The following MGAT5 variants were observed in gnomAD, a reference collection of about 807,000 sequenced individuals.
MGAT5 encodes the protein alpha-1,6-mannosylglycoprotein 6-beta-N-acetylglucosaminyltransferase A.
In MGAT5, 30 loss-of-function variants were observed where a neutral mutation model predicts 94.3. The ratio of observed to expected loss-of-function variants is 0.32; its 90% CI spans 0.24 to 0.43. The LOEUF (loss-of-function observed/expected upper bound fraction) is 0.43. Ranked by LOEUF, MGAT5 falls within the 20% of genes least tolerant of loss-of-function variation. MGAT5 has a pLI of 1.00. For synonymous variants in MGAT5, 310 were observed against 322.9 expected, an observed-to-expected ratio of 0.96 and a Z score of 0.43; for missense variants, 691 against 905.5, an observed-to-expected ratio of 0.76 and a Z score of 3.04.
chr2:134,293,908 G>A (rs140236144), intron 2 of MGAT5, among the ~76,000 whole-genome samples: 33 of 152,304 alleles, frequency 2.2e-4, no homozygotes, highest in African/African-American at 7.9e-4. Context: ...ATACAGAAGT[G>A]TGTGGAGGAT....
At chr2:134,194,876 G>C (rs775721475) in intron 1 of MGAT5, among the ~76,000 whole-genome samples, 4 of 152,124 alleles carry the variant, frequency 2.6e-5, no homozygotes, top group Non-Finnish European at 4.4e-5. Flanking sequence ...TGGTTCAGGT[G>C]GTTCATGTTG....
At chr2:134,405,156 G>GGAGAT (rs1683260673) in intron 11 of MGAT5, among the ~76,000 whole-genome samples, 1 of 152,222 alleles carries the variant, frequency 6.6e-6, no homozygotes, top group Non-Finnish European at 1.5e-5. Context: ...AGGCCAAAAC[G>GGAGAT]GAGATCGCTG....
chr2:134,385,241 C>T (rs540338306), intron 10 of MGAT5, among the ~76,000 whole-genome samples: 6 of 152,288 alleles, frequency 3.9e-5, no homozygotes, highest in African/African-American at 1.4e-4. Flanking sequence ...TAGAGAAACA[C>T]ACATTTTAGC....
chr2:134,248,924 C>T (rs1211353549), intron 1 of MGAT5, among the ~76,000 whole-genome samples: 2 of 152,078 alleles, frequency 1.3e-5, no homozygotes, highest in South Asian at 2.1e-4. Flanking sequence ...GGCTGCTGCT[C>T]AGTGTTCTCA....
intron 2 of MGAT5, among the ~76,000 whole-genome samples, chr2:134,286,672 G>A (rs938203347): frequency 1.1e-4 from 17 of 151,998 alleles, no homozygotes; most frequent in African/African-American, 3.1e-4. Context: ...TGCCTGCCTC[G>A]CCCTCCCAAA....
intron 1 of MGAT5, among the ~76,000 whole-genome samples, chr2:134,132,821 T>G (rs1686236003): frequency 6.6e-6 from 1 of 152,254 alleles, no homozygotes. Flanking sequence ...TGAACACATG[T>G]GGCAGATGTG....
chr2:134,395,490 C>G (rs1682653210), intron 10 of MGAT5, among the ~76,000 whole-genome samples: 2 of 152,348 alleles, frequency 1.3e-5, no homozygotes, highest in South Asian at 4.1e-4. Flanking sequence ...TCAGGACTCT[C>G]ATGTCTAGCT....
At chr2:134,255,150 T>G (rs528067971) in intron 1 of MGAT5, among the ~76,000 whole-genome samples, 1 of 152,326 alleles carries the variant, frequency 6.6e-6, no homozygotes, top group East Asian at 1.9e-4. Context: ...AACCTTTGGC[T>G]TCTTGAGGTT....
At chr2:134,378,410 C>T (rs1217149691) in intron 10 of MGAT5, among the ~76,000 whole-genome samples, 1 of 152,106 alleles carries the variant, frequency 6.6e-6, no homozygotes, top group Non-Finnish European at 1.5e-5. Flanking sequence ...TGACAAGGCA[C>T]TCAGGGGTAG....
chr2:134,381,509 GACCA>G (rs895072967), intron 10 of MGAT5, among the ~76,000 whole-genome samples: 1 of 121,732 alleles, frequency 8.2e-6, no homozygotes, highest in African/African-American at 3.0e-5. Context: ...CAGACAGACA[GACCA>G]GACAGACAGA....
chr2:134,334,652 A>G (rs142087560), intron 4 of MGAT5, among the ~76,000 whole-genome samples: 36 of 152,146 alleles, frequency 2.4e-4, no homozygotes, highest in African/African-American at 7.9e-4. Flanking sequence ...AAATAATTCA[A>G]TCTGGCCTAA....
intron 1 of MGAT5, among the ~76,000 whole-genome samples, chr2:134,222,658 G>A (rs1680844264): frequency 1.3e-5 from 2 of 152,222 alleles, no homozygotes; most frequent in Admixed American, 6.5e-5. Flanking sequence ...ACTAGTATTT[G>A]GGAGAGAAAA....
intron 4 of MGAT5, among the ~76,000 whole-genome samples, chr2:134,335,643 T>TA (rs1369268757): frequency 2.6e-5 from 4 of 152,014 alleles, no homozygotes; most frequent in Non-Finnish European, 5.9e-5. Flanking sequence ...CTTTCTCAGA[T>TA]AGGTTTTACC....
chr2:134,122,912 T>C (rs1326893240), intron 1 of MGAT5, among the ~76,000 whole-genome samples: 3 of 152,254 alleles, frequency 2.0e-5, no homozygotes, highest in Non-Finnish European at 2.9e-5. Context: ...GCAGAGCAGC[T>C]CATGGGCTTT....
At chr2:134,442,696 G>T (rs538496306) in intron 15 of MGAT5, among the ~76,000 whole-genome samples, 1 of 152,100 alleles carries the variant, frequency 6.6e-6, no homozygotes, top group Non-Finnish European at 1.5e-5. Context: ...CCAAATTTCC[G>T]TGTGAGGTTT....
chr2:134,201,010 G>A (rs1449672854), intron 1 of MGAT5, among the ~76,000 whole-genome samples: 2 of 151,988 alleles, frequency 1.3e-5, no homozygotes, highest in African/African-American at 4.8e-5. Context: ...GAACTCCTGG[G>A]CTCAAGCCAT....
chr2:134,270,532 G>C lies in MGAT5; in HGVS notation c.388G>C (p.Glu130Gln). 2 of 1,614,148 alleles carry C rather than the reference G, an allele frequency of 1.2e-6. No homozygotes were observed. Among genetic ancestry groups the C allele is most frequent in the Non-Finnish European group, 1.7e-6 (2 of 1,180,002 alleles). ...AGCTGTTCCCAGCTTGGTTGCACTT[G>C]AGAAAATTAATGTGGCAGGTAAAAA... The part of the protein sequence containing the change: ...TTAVPSLVAL[E>Q]KINVADIING... The change falls in exon 2 of 16, where the codon GAG (glutamate) becomes CAG (glutamine). Residue 130 changes from glutamate (E) to glutamine (Q), a missense_variant. Transcript: ENST00000281923.
chr2:134,278,876 G>A (rs151125168), intron 2 of MGAT5, among the ~76,000 whole-genome samples: 2 of 152,276 alleles, frequency 1.3e-5, no homozygotes, highest in Non-Finnish European at 2.9e-5. Context: ...CTCATTTGAA[G>A]CTCTGTCTCC....
At chr2:134,186,299 A>G (rs955277947) in intron 1 of MGAT5, among the ~76,000 whole-genome samples, 30 of 152,262 alleles carry the variant, frequency 2.0e-4, no homozygotes, top group African/African-American at 7.2e-4. Context: ...ATTTTGCCCA[A>G]TCTAACGGGC....
Sources: allele counts gnomAD v4.1 joint callset (sites outside exome capture counted in the v4.1 genomes callset), GRCh38; gene constraint gnomAD v4.1.1; transcripts MANE v1.5; gene names NCBI Gene and HGNC (gene_info 2026-07-23, HGNC 2026-07-21).